The following ACOXL variants were observed in gnomAD, a reference collection of about 807,000 sequenced individuals.
ACOXL encodes the protein acyl-CoA oxidase like, also known as acyl-coenzyme A oxidase-like protein.
ACOXL carries 70 observed loss-of-function variants against 71.9 expected under a neutral mutation model. The ratio of observed to expected loss-of-function variants is 0.97; its 90% CI spans 0.80 to 1.19. The LOEUF (loss-of-function observed/expected upper bound fraction) is 1.19, where lower values mean the gene tolerates loss of function less well. Ranked by LOEUF, ACOXL falls within the 50% of genes most tolerant of loss-of-function variation. The pLI, the probability that ACOXL is intolerant of heterozygous loss-of-function variation, is 0.00. For synonymous variants in ACOXL, 253 were observed against 281.6 expected (o/e 0.90, Z 1.02); for missense variants, 703 against 736.3 (o/e 0.95, Z 0.52).
intron 17 of ACOXL, among the ~76,000 whole-genome samples, chr2:111,104,043 G>C (rs902897380): frequency 6.6e-6 from 1 of 151,942 alleles, no homozygotes; most frequent in African/African-American, 2.4e-5. Context: ...TTATAATTTT[G>C]TCATTTCAGG....
intron 11 of ACOXL, among the ~76,000 whole-genome samples, chr2:110,910,023 T>C (rs1462372479): frequency 6.6e-6 from 1 of 152,174 alleles, no homozygotes; most frequent in Non-Finnish European, 1.5e-5. Flanking sequence ...GCATAGATTT[T>C]AGTTTTTAGT....
At chr2:111,040,219 A>C (rs926479128) in intron 15 of ACOXL, among the ~76,000 whole-genome samples, 5 of 152,190 alleles carry the variant, frequency 3.3e-5, no homozygotes, top group Admixed American at 6.5e-5. Context: ...TTCTTGCAAG[A>C]ATCACACAGA....
At chr2:110,776,318 A>AT (rs1224691705) in intron 2 of ACOXL, among the ~76,000 whole-genome samples, 1 of 152,192 alleles carries the variant, frequency 6.6e-6, no homozygotes, top group Non-Finnish European at 1.5e-5. Context: ...GTTTGGGAAG[A>AT]TTAAGAAGTT....
At chr2:111,014,616 A>T (rs764366509) in intron 14 of ACOXL, among the ~76,000 whole-genome samples, 1 of 152,232 alleles carries the variant, frequency 6.6e-6, no homozygotes, top group African/African-American at 2.4e-5. Flanking sequence ...GTAGAAACTC[A>T]TAAGCTGATT....
chr2:110,921,862 C>T (rs527645506), intron 11 of ACOXL, among the ~76,000 whole-genome samples: 1 of 152,216 alleles, frequency 6.6e-6, no homozygotes, highest in Non-Finnish European at 1.5e-5. Flanking sequence ...TAAATTTCTC[C>T]TTAAGACTTC....
At chr2:110,989,693 G>C (rs1374034840) in intron 13 of ACOXL, among the ~76,000 whole-genome samples, 1 of 152,208 alleles carries the variant, frequency 6.6e-6, no homozygotes, top group Non-Finnish European at 1.5e-5. Context: ...ATGAATAGTG[G>C]TAATGGTTGT....
chr2:110,852,523 C>T (rs1386359349), intron 10 of ACOXL, among the ~76,000 whole-genome samples: 3 of 152,242 alleles, frequency 2.0e-5, no homozygotes, highest in Non-Finnish European at 4.4e-5. Flanking sequence ...CTGCCTCCCT[C>T]AGTCACCAAG....
chr2:110,818,967 G>GGAGA (rs1452054270), intron 9 of ACOXL, among the ~76,000 whole-genome samples: 1 of 127,654 alleles, frequency 7.8e-6, no homozygotes, highest in Non-Finnish European at 1.9e-5. Flanking sequence ...TCAGAACACT[G>GGAGA]GAGAGCATAG....
At chr2:110,793,015 C>T (rs572608813) in intron 3 of ACOXL, among the ~76,000 whole-genome samples, 1 of 152,312 alleles carries the variant, frequency 6.6e-6, no homozygotes, top group African/African-American at 2.4e-5. Flanking sequence ...GATGCTTTCT[C>T]TCCAGGGTTG....
At chr2:110,793,553 T>C in intron 3 of ACOXL, 97 bp from the exon 4 acceptor site, 1 of 1,132,772 alleles carries the variant, frequency 8.8e-7, no homozygotes, top group South Asian at 1.3e-5. Flanking sequence ...CACAGGGGGC[T>C]GAATAGCTGC....
intron 14 of ACOXL, among the ~76,000 whole-genome samples, chr2:111,026,720 C>A (rs1025697224): frequency 1.3e-5 from 2 of 151,974 alleles, no homozygotes; most frequent in Non-Finnish European, 2.9e-5. Context: ...AGAAGATGGG[C>A]CTTGATTCAA....
intron 16 of ACOXL, among the ~76,000 whole-genome samples, chr2:111,065,597 A>G (rs1574652558): frequency 6.6e-6 from 1 of 152,360 alleles, no homozygotes; most frequent in Middle Eastern, 3.4e-3. Flanking sequence ...AGTCTGGGAT[A>G]TGTTTGCAAA....
chr2:111,019,772 G>C (rs754884475), intron 14 of ACOXL, among the ~76,000 whole-genome samples: 1 of 152,226 alleles, frequency 6.6e-6, no homozygotes, highest in Non-Finnish European at 1.5e-5. Flanking sequence ...GGCAGGCCCC[G>C]CAACTGCCGT....
At chr2:110,938,616 T>C (rs1165200727) in intron 12 of ACOXL, among the ~76,000 whole-genome samples, 1 of 152,222 alleles carries the variant, frequency 6.6e-6, no homozygotes, top group Non-Finnish European at 1.5e-5. Flanking sequence ...AGGAGATAGC[T>C]GTGGACTGAG....
intron 3 of ACOXL, among the ~76,000 whole-genome samples, chr2:110,785,370 T>TTGTG (rs34917698): frequency 0.065 from 9,493 of 145,532 alleles, 351 homozygotes; most frequent in East Asian, 0.085. Context: ...ATGCACTCAG[T>TTGTG]TGTGTGTGTG....
At chr2:110,737,580 T>G (rs1055749774) in intron 1 of ACOXL, among the ~76,000 whole-genome samples, 1 of 152,214 alleles carries the variant, frequency 6.6e-6, no homozygotes, top group African/African-American at 2.4e-5. Context: ...TTGCTTAGTT[T>G]TCTATAAGCC....
chr2:111,062,798 G>A (rs927368970), intron 16 of ACOXL, among the ~76,000 whole-genome samples: 5 of 151,964 alleles, frequency 3.3e-5, no homozygotes, highest in African/African-American at 7.2e-5. Flanking sequence ...GCAGAAGTAA[G>A]TAAATAATAA....
intron 14 of ACOXL, among the ~76,000 whole-genome samples, chr2:111,024,152 T>C (rs2064907475): frequency 6.6e-6 from 1 of 152,120 alleles, no homozygotes; most frequent in Non-Finnish European, 1.5e-5. Flanking sequence ...AGGCTGTGGC[T>C]CCATGACAAA....
intron 11 of ACOXL, among the ~76,000 whole-genome samples, chr2:110,928,833 T>G (rs113712064): frequency 2.0e-5 from 3 of 152,296 alleles, no homozygotes; most frequent in East Asian, 1.9e-4. Context: ...TCTCATGAGA[T>G]CTGACGGTTT....
Sources: allele counts gnomAD v4.1 joint callset (sites outside exome capture counted in the v4.1 genomes callset), GRCh38; gene constraint gnomAD v4.1.1; transcripts MANE v1.5; gene names NCBI Gene and HGNC (gene_info 2026-07-23, HGNC 2026-07-21).